PITPNC1: variants seen among roughly 807,000 people sequenced by gnomAD.
The protein encoded by PITPNC1 is cytoplasmic phosphatidylinositol transfer protein 1.
In PITPNC1, 18 loss-of-function variants were observed where a neutral mutation model predicts 44.7. The observed-to-expected ratio is 0.40, with a 90% CI of 0.28 to 0.60. The LOEUF is 0.60. PITPNC1 is among the 20% of genes least tolerant of loss of function. PITPNC1 has a pLI of 0.39. For missense variants in PITPNC1, 290 were observed against 418.4 expected, an observed-to-expected ratio of 0.69 and a Z score of 2.68; for synonymous variants, 141 against 149.6, an observed-to-expected ratio of 0.94 and a Z score of 0.42.
rs1043306183 is a variant in PITPNC1 at position 67,424,250 on chromosome 17, C to G, written c.48+46048C>G. On this transcript the variant is annotated intron_variant, in intron 1 of 8. Coordinates refer to ENST00000581322, the MANE Select transcript of PITPNC1 (RefSeq NM_012417.4). ...GGAGAGAATTTAAGAGTTGGGACTT[C>G]TCTTCCAGCAAGAAGAGGAAGAATG... 2.7e-4 allele frequency among the ~76,000 whole-genome samples: 41 copies of G among 152,100 alleles called. 1 individual carries two copies. The highest frequency in any genetic ancestry group is 8.8e-5 in the Non-Finnish European group (6 of 68,028).
intron 1 of PITPNC1, among the ~76,000 whole-genome samples, chr17:67,426,431 A>G (rs1412072593): frequency 2.6e-5 from 4 of 152,240 alleles, no homozygotes; most frequent in Non-Finnish European, 5.9e-5. Context: ...TACAGCCATA[A>G]AAAGGAATGA....
At chr17:67,522,387 A>G (rs1278224515) in intron 1 of PITPNC1, among the ~76,000 whole-genome samples, 1 of 151,894 alleles carries the variant, frequency 6.6e-6, no homozygotes, top group Non-Finnish European at 1.5e-5. Flanking sequence ...AGGGAATCTC[A>G]TGTAACATTC....
chr17:67,415,935 G>T (rs935017314), intron 1 of PITPNC1, among the ~76,000 whole-genome samples: 1 of 151,756 alleles, frequency 6.6e-6, no homozygotes, highest in South Asian at 2.1e-4. Flanking sequence ...CCTGAGTATG[G>T]TTTATATTTA....
intron 1 of PITPNC1, among the ~76,000 whole-genome samples, chr17:67,482,007 A>AAAT (rs2039711397): frequency 6.6e-6 from 1 of 152,238 alleles, no homozygotes; most frequent in African/African-American, 2.4e-5. Flanking sequence ...GTACTTTTGG[A>AAAT]AGAAATAAAA....
intron 5 of PITPNC1, among the ~76,000 whole-genome samples, chr17:67,630,203 C>T (rs1299469830): frequency 6.6e-6 from 1 of 152,234 alleles, no homozygotes; most frequent in Non-Finnish European, 1.5e-5. Context: ...CAAAATATTG[C>T]ATTCTCTCCC....
chr17:67,564,224 A>G (rs967160994), intron 4 of PITPNC1, among the ~76,000 whole-genome samples: 1 of 151,948 alleles, frequency 6.6e-6, no homozygotes, highest in Non-Finnish European at 1.5e-5. Context: ...TGCTAGGGAA[A>G]TTGGCTCACA....
At chr17:67,488,456 CTG>C (rs1364397977) in intron 1 of PITPNC1, among the ~76,000 whole-genome samples, 2 of 152,176 alleles carry the variant, frequency 1.3e-5, no homozygotes. Context: ...CTGGTGTGTG[CTG>C]TGTTTTACAG....
At chr17:67,625,365 A>G (rs2041883160) in intron 5 of PITPNC1, among the ~76,000 whole-genome samples, 1 of 152,128 alleles carries the variant, frequency 6.6e-6, no homozygotes, top group African/African-American at 2.4e-5. Flanking sequence ...TGATGCAACA[A>G]CAAAAGGCAT....
rs182734126 is a variant in PITPNC1, at chr17:67,586,569, G to A, written c.366+8312G>A. ...GAAATTGTGCCACCGCACTCCAGCC[G>A]GGGTGACAAGAGCAAAACTCCATCT... On this transcript the variant is annotated intron_variant, in intron 5 of 8. Transcript: ENST00000581322. Among the ~76,000 whole-genome samples, 388 of 152,018 alleles carry A rather than the reference G, an allele frequency of 2.6e-3. 6 individuals carry two copies. The South Asian group carries it at 0.039, about 15-fold the overall frequency.
rs747314805 is a variant in PITPNC1 at position 67,597,292 on chromosome 17, G to A, written c.366+19035G>A. 3.5e-4 allele frequency among the ~76,000 whole-genome samples: 53 copies of A among 152,174 alleles called. 1 individual carries two copies. Among genetic ancestry groups the A allele is most frequent in the South Asian group, 1.0e-3 (5 of 4,812 alleles). ...CCTCAGGCTGAGCATGGTGGCTCAC[G>A]CCTGTAATCCCCGCACTTTGGGAGG... On this transcript the variant is annotated intron_variant, in intron 5 of 8. Transcript: ENST00000581322. The surrounding 1 kb of genome is among the most constrained non-coding windows in gnomAD (Gnocchi z 4.0).
At chr17:67,403,060 C>G (rs1308136284) in intron 1 of PITPNC1, among the ~76,000 whole-genome samples, 8 of 151,984 alleles carry the variant, frequency 5.3e-5, no homozygotes, top group Admixed American at 5.2e-4. Flanking sequence ...TTGTGTCTTT[C>G]TCTAAGTCAC....
intron 1 of PITPNC1, among the ~76,000 whole-genome samples, chr17:67,509,619 TTGAC>T: frequency 6.6e-6 from 1 of 152,050 alleles, no homozygotes; most frequent in East Asian, 1.9e-4. Context: ...TCAACCGGGT[TTGAC>T]TTAGTTTTTC....
intron 1 of PITPNC1, chr17:67,524,352 G>C (rs1343513922): frequency 1.3e-5 from 2 of 152,062 alleles, no homozygotes; most frequent in African/African-American, 4.8e-5. Flanking sequence ...GGCTGAGGTG[G>C]AAGGATCGCT....
intron 1 of PITPNC1, among the ~76,000 whole-genome samples, chr17:67,479,389 G>A (rs2039674308): frequency 6.6e-6 from 1 of 152,196 alleles, no homozygotes; most frequent in African/African-American, 2.4e-5. Flanking sequence ...CCATGAGACA[G>A]TGCTTTGTCA....
intron 1 of PITPNC1, among the ~76,000 whole-genome samples, chr17:67,520,738 A>G (rs2040314986): frequency 6.6e-6 from 1 of 152,114 alleles, no homozygotes; most frequent in Admixed American, 6.5e-5. Flanking sequence ...TCTAGAGCCA[A>G]CTGCCCTTGT....
At chr17:67,585,215 C>G (rs1320729414) in intron 5 of PITPNC1, among the ~76,000 whole-genome samples, 1 of 151,806 alleles carries the variant, frequency 6.6e-6, no homozygotes, top group East Asian at 1.9e-4. Context: ...AGAATTGCAG[C>G]TGTGCTAAGT....
intron 5 of PITPNC1, among the ~76,000 whole-genome samples, chr17:67,627,566 G>A (rs1226090271): frequency 6.6e-6 from 1 of 152,208 alleles, no homozygotes; most frequent in Non-Finnish European, 1.5e-5. Context: ...AGTTTCTCAG[G>A]ACACACACTT....
chr17:67,632,480 C>A (rs2041983000), intron 6 of PITPNC1: 13 of 510,990 alleles, frequency 2.5e-5, no homozygotes, highest in Admixed American at 7.0e-5. Flanking sequence ...ACTCTGCCAT[C>A]ATTTTTGGCA....
intron 1 of PITPNC1, among the ~76,000 whole-genome samples, chr17:67,484,819 T>C (rs1488997748): frequency 6.6e-6 from 1 of 152,052 alleles, no homozygotes; most frequent in Non-Finnish European, 1.5e-5. Context: ...GTGCCTGTAA[T>C]ATCAGCTACT....
Sources: gnomAD v4.1 joint callset for allele counts (sites outside exome capture counted in the v4.1 genomes callset) on GRCh38, gnomAD v4.1.1 for gene constraint, Gnocchi (gnomAD v3.1) non-coding constraint, MANE v1.5 for transcripts, NCBI Gene and HGNC (gene_info 2026-07-23, HGNC 2026-07-21) for gene names.